The following CTNNA3 variants were observed in gnomAD, a reference collection of about 807,000 sequenced individuals.
CTNNA3 encodes the protein catenin alpha 3.
Under a neutral mutation model 95.7 loss-of-function variants are expected in CTNNA3, and 76 were observed. The observed-to-expected ratio is 0.79, with a 90% CI of 0.66 to 0.96. The LOEUF (loss-of-function observed/expected upper bound fraction) is 0.96. CTNNA3 is among the 40% of genes least tolerant of loss of function. CTNNA3 has a pLI of 0.00. For synonymous variants in CTNNA3, 431 were observed against 374.4 expected, an observed-to-expected ratio of 1.15 and a Z score of -1.74; for missense variants, 1,191 against 1,089.8, an observed-to-expected ratio of 1.09 and a Z score of -1.31.
chr10:67,406,344 A>T (rs375787065), intron 5 of CTNNA3, among the ~76,000 whole-genome samples: 3 of 152,200 alleles, frequency 2.0e-5, no homozygotes, highest in Non-Finnish European at 4.4e-5. Flanking sequence ...TGGATAAATA[A>T]TAAAATTAAG....
chr10:66,082,364 A>G (rs2080798300), intron 14 of CTNNA3, among the ~76,000 whole-genome samples: 1 of 152,276 alleles, frequency 6.6e-6, no homozygotes, highest in Non-Finnish European at 1.5e-5. Flanking sequence ...TGAGGAAAAC[A>G]TAAGACAAAT....
At chr10:66,373,674 C>G (rs150477092) in intron 12 of CTNNA3, among the ~76,000 whole-genome samples, 1 of 152,120 alleles carries the variant, frequency 6.6e-6, no homozygotes, top group East Asian at 1.9e-4. Flanking sequence ...CCTGTTCAGA[C>G]TGCTTAAAGG....
intron 12 of CTNNA3, among the ~76,000 whole-genome samples, chr10:66,331,354 T>G (rs1282803742): frequency 2.4e-5 from 3 of 123,816 alleles, no homozygotes; most frequent in Admixed American, 1.6e-4. Context: ...TTTTTTTTTT[T>G]TTTTTTTTTT....
intron 1 of CTNNA3, among the ~76,000 whole-genome samples, chr10:67,722,985 C>CTTTT (rs141498050): frequency 8.4e-6 from 1 of 118,682 alleles, no homozygotes; most frequent in Non-Finnish European, 1.7e-5. Context: ...TCTTTCAGCT[C>CTTTT]TTTTTTTTTT....
chr10:66,595,251 C>G (rs1286109519), intron 10 of CTNNA3, among the ~76,000 whole-genome samples: 1 of 152,000 alleles, frequency 6.6e-6, no homozygotes, highest in Non-Finnish European at 1.5e-5. Context: ...CCAAGAGAGA[C>G]CCATAAAAGA....
intron 5 of CTNNA3, among the ~76,000 whole-genome samples, chr10:67,232,428 G>T (rs1193358848): frequency 6.6e-6 from 1 of 151,980 alleles, no homozygotes; most frequent in Non-Finnish European, 1.5e-5. Context: ...ATAAGTGAAG[G>T]AGAAATAAAA....
intron 7 of CTNNA3, among the ~76,000 whole-genome samples, chr10:66,821,986 ACT>A (rs1842318277): frequency 6.6e-6 from 1 of 151,874 alleles, no homozygotes; most frequent in Admixed American, 6.6e-5. Context: ...TTTGAAGCAC[ACT>A]GTTTAAATTT....
intron 9 of CTNNA3, among the ~76,000 whole-genome samples, chr10:66,701,951 T>C (rs1049731512): frequency 1.3e-5 from 2 of 152,068 alleles, no homozygotes; most frequent in Non-Finnish European, 2.9e-5. Flanking sequence ...AATGAAAAAA[T>C]TGTATATTTT....
At chr10:66,791,693 T>C (rs1389785057) in intron 7 of CTNNA3, among the ~76,000 whole-genome samples, 1 of 152,184 alleles carries the variant, frequency 6.6e-6, no homozygotes, top group Non-Finnish European at 1.5e-5. Flanking sequence ...ATGTGGCATA[T>C]GCCAGACACT....
chr10:66,282,809 T>C (rs1157372857), intron 12 of CTNNA3, among the ~76,000 whole-genome samples: 1 of 151,910 alleles, frequency 6.6e-6, no homozygotes, highest in African/African-American at 2.4e-5. Context: ...AAGTTTTCAA[T>C]TGTTCCTTGA....
chr10:67,365,873 T>A (rs1169045814), intron 5 of CTNNA3, among the ~76,000 whole-genome samples: 1 of 152,210 alleles, frequency 6.6e-6, no homozygotes, highest in African/African-American at 2.4e-5. Context: ...ATCCCATTAC[T>A]GGGTATATAC....
chr10:67,473,927 C>A (rs367890136), intron 5 of CTNNA3, among the ~76,000 whole-genome samples: 1 of 151,982 alleles, frequency 6.6e-6, no homozygotes, highest in Non-Finnish European at 1.5e-5. Context: ...CTATGTAGCC[C>A]GAGTCACATG....
At chr10:67,756,201 G>C (rs1328294185) in intron 1 of CTNNA3, among the ~76,000 whole-genome samples, 2 of 152,072 alleles carry the variant, frequency 1.3e-5, no homozygotes, top group Admixed American at 1.3e-4. Context: ...TTGATTAACG[G>C]GTACATATTT....
intron 5 of CTNNA3, among the ~76,000 whole-genome samples, chr10:67,452,178 T>C (rs1301971966): frequency 6.6e-6 from 1 of 152,102 alleles, no homozygotes; most frequent in African/African-American, 2.4e-5. Flanking sequence ...TTCCAGGGCG[T>C]TGTTAATTTA....
At chr10:67,148,975 A>G (rs546091525) in intron 7 of CTNNA3, among the ~76,000 whole-genome samples, 1 of 152,208 alleles carries the variant, frequency 6.6e-6, no homozygotes, top group South Asian at 2.1e-4. Context: ...CAAAGTATAA[A>G]TTGTCTTATG....
At chr10:66,946,926 C>T (rs1471184903) in intron 7 of CTNNA3, among the ~76,000 whole-genome samples, 1 of 152,052 alleles carries the variant, frequency 6.6e-6, no homozygotes, top group African/African-American at 2.4e-5. Context: ...CTTTTCTTGG[C>T]GCTGGTAAAT....
intron 13 of CTNNA3, among the ~76,000 whole-genome samples, chr10:66,221,743 TAG>T (rs1315762201): frequency 4.6e-5 from 7 of 152,350 alleles, no homozygotes; most frequent in African/African-American, 1.7e-4. Flanking sequence ...TTAGAAGCTG[TAG>T]TTAAAAGCAA....
At chr10:67,436,336 G>A (rs532860924) in intron 5 of CTNNA3, among the ~76,000 whole-genome samples, 3 of 152,132 alleles carry the variant, frequency 2.0e-5, no homozygotes, top group Non-Finnish European at 1.5e-5. Context: ...GATGGATTAA[G>A]GACTTACACC....
At chr10:67,660,632 T>G (rs1324259945) in intron 1 of CTNNA3, among the ~76,000 whole-genome samples, 1 of 152,094 alleles carries the variant, frequency 6.6e-6, no homozygotes, top group Non-Finnish European at 1.5e-5. Context: ...TCATTCATAA[T>G]AAGAGAAATG....
Sources: gnomAD v4.1 joint callset for allele counts (sites outside exome capture counted in the v4.1 genomes callset) on GRCh38, gnomAD v4.1.1 for gene constraint, MANE v1.5 for transcripts, NCBI Gene and HGNC (gene_info 2026-07-23, HGNC 2026-07-21) for gene names.